SUSD1: variants seen among roughly 807,000 people sequenced by gnomAD.
The protein encoded by SUSD1 is sushi domain-containing protein 1.
A neutral mutation model predicts 86.9 loss-of-function variants in SUSD1; 65 were observed. The observed-to-expected ratio is 0.75, with a 90% CI of 0.61 to 0.92. SUSD1 has a LOEUF of 0.92. SUSD1 is among the 40% of genes least tolerant of loss of function. The pLI, the probability that SUSD1 is intolerant of heterozygous loss-of-function variation, is 0.00. For missense variants in SUSD1, 850 were observed against 929.7 expected, an observed-to-expected ratio of 0.91 and a Z score of 1.11; for synonymous variants, 346 against 350.0, an observed-to-expected ratio of 0.99 and a Z score of 0.13.
chr9:112,049,871 T>C (rs1828114114), intron 15 of SUSD1, among the ~76,000 whole-genome samples: 1 of 152,206 alleles, frequency 6.6e-6, no homozygotes, highest in Admixed American at 6.5e-5. Flanking sequence ...TCAATATTGG[T>C]TCTCAAGCTG....
At chr9:112,173,617 C>A in intron 1 of SUSD1, 1 of 440,068 alleles carries the variant, frequency 2.3e-6, no homozygotes, top group South Asian at 1.8e-5. Flanking sequence ...TGATCCTTGA[C>A]CTTGGTCTTT....
chr9:112,078,064 G>A (rs1472072872), intron 12 of SUSD1, among the ~76,000 whole-genome samples: 3 of 151,942 alleles, frequency 2.0e-5, no homozygotes, highest in Non-Finnish European at 4.4e-5. Flanking sequence ...AACATAACAG[G>A]CTGGGCGCAG....
intron 15 of SUSD1, 74 bp from the exon 16 acceptor site, chr9:112,042,034 T>G (rs910276809): frequency 6.3e-7 from 1 of 1,578,662 alleles, no homozygotes; most frequent in African/African-American, 1.4e-5. Context: ...CACCCCACTG[T>G]GCTCAATCCA....
chr9:112,076,664 TATA>T (rs1289136375), intron 12 of SUSD1, among the ~76,000 whole-genome samples: 1 of 152,198 alleles, frequency 6.6e-6, no homozygotes, highest in Non-Finnish European at 1.5e-5. Flanking sequence ...ATCCTCTGCA[TATA>T]GGTAATAGTT....
At chr9:112,153,525 C>T (rs1456037380) in intron 2 of SUSD1, among the ~76,000 whole-genome samples, 1 of 151,362 alleles carries the variant, frequency 6.6e-6, no homozygotes, top group African/African-American at 2.4e-5. Context: ...AGAAGGAGTA[C>T]ATTCTAAAAT....
At chr9:112,107,829 A>G (rs1054039616) in intron 8 of SUSD1, among the ~76,000 whole-genome samples, 1 of 152,214 alleles carries the variant, frequency 6.6e-6, no homozygotes, top group Non-Finnish European at 1.5e-5. Flanking sequence ...ACCAATAAGA[A>G]TTTCTAAGAG....
At chr9:112,144,277 C>G (rs1222592859) in intron 3 of SUSD1, among the ~76,000 whole-genome samples, 4 of 150,800 alleles carry the variant, frequency 2.7e-5, no homozygotes, top group Non-Finnish European at 5.9e-5. Flanking sequence ...CTAAAAAATC[C>G]AATCACTATA....
At chr9:112,083,122 T>C (rs920024417) in intron 10 of SUSD1, among the ~76,000 whole-genome samples, 2 of 151,976 alleles carry the variant, frequency 1.3e-5, no homozygotes, top group African/African-American at 2.4e-5. Flanking sequence ...CAGAATATAA[T>C]AGAAAAATAA....
chr9:112,104,922 T>A (rs1830775455), intron 8 of SUSD1: 1 of 152,046 alleles, frequency 6.6e-6, no homozygotes. Context: ...ATGAGCATAT[T>A]TATAAAAAAG....
chr9:112,062,305 C>T (rs994547212), intron 13 of SUSD1, among the ~76,000 whole-genome samples: 1 of 152,184 alleles, frequency 6.6e-6, no homozygotes, highest in Non-Finnish European at 1.5e-5. Context: ...CCTGACATGT[C>T]CTAACATGCA....
chr9:112,047,441 T>G (rs1462847686), intron 15 of SUSD1, among the ~76,000 whole-genome samples: 3 of 152,226 alleles, frequency 2.0e-5, no homozygotes, highest in Non-Finnish European at 4.4e-5. Flanking sequence ...TCAGGTGGAC[T>G]GAACTTCTTT....
chr9:112,079,988 A>G lies in SUSD1; in HGVS notation c.1566+86T>C. The G allele has an allele frequency of 4.4e-6, 4 of 907,718 alleles. No homozygotes were observed. In the South Asian group the frequency reaches 5.4e-5, roughly 12 times the overall value. 56.2% of individuals were successfully genotyped at this position (907,718 alleles called of 1,614,324 possible). A position where few individuals can be genotyped will look rare whatever the true frequency, so the allele number is the denominator to read the frequency against. On this transcript the variant is annotated intron_variant, in intron 11 of 16. Transcript: ENST00000374270. The stretch of plus-strand genomic sequence containing the variant: ...ATCGTCTACTGATAATGATAGTTAT[A>G]GATGTAGATTTTTAGGTTTGTGGGT...
At chr9:112,170,691 T>TCA (rs1834000380) in intron 1 of SUSD1, among the ~76,000 whole-genome samples, 1 of 70,412 alleles carries the variant, frequency 1.4e-5, no homozygotes, top group Non-Finnish European at 2.6e-5. Context: ...AATGGCCAGA[T>TCA]CATATATATA....
At chr9:112,078,775 G>T in intron 11 of SUSD1, 51 bp from the exon 12 acceptor site, 2 of 1,435,566 alleles carry the variant, frequency 1.4e-6, no homozygotes, top group Non-Finnish European at 1.9e-6. Flanking sequence ...AAAGGCTTTA[G>T]ATGCCTTGAA....
chr9:112,175,032 C>G lies in SUSD1; in HGVS notation c.103+101G>C, dbSNP rs1238903158. The stretch of plus-strand genomic sequence containing the variant: ...TGCGCCCCACGCCTCGGCACCGCGC[C>G]GGCCCGGCCCAGGGGCGGGGAAGCG... On this transcript the variant is annotated intron_variant, in intron 1 of 16. Transcript: ENST00000374270. This position sits in a 1 kb window ranked among gnomAD's most constrained non-coding sequence, Gnocchi z 4.7. 5.4e-6 allele frequency: 5 copies of G among 919,350 alleles called. No homozygotes were observed. Among genetic ancestry groups the G allele is most frequent in the Non-Finnish European group, 6.5e-6 (5 of 768,748 alleles). The allele number at this position is 919,350 out of a possible 1,614,324, so 56.9% of individuals were successfully genotyped here. A position where few individuals can be genotyped will look rare whatever the true frequency, so the allele number is the denominator to read the frequency against.
At chr9:112,150,020 T>C (rs1832977314) in intron 2 of SUSD1, among the ~76,000 whole-genome samples, 1 of 152,190 alleles carries the variant, frequency 6.6e-6, no homozygotes, top group African/African-American at 2.4e-5. Flanking sequence ...TGTTTTTCAT[T>C]GAATAATATG....
chr9:112,066,472 G>C (rs1365154837), intron 12 of SUSD1, among the ~76,000 whole-genome samples: 1 of 152,140 alleles, frequency 6.6e-6, no homozygotes, highest in Admixed American at 6.5e-5. Context: ...ACAGAGAGTG[G>C]CAACAGAAGC....
chr9:112,042,527 G>A (rs1285068020), intron 15 of SUSD1, among the ~76,000 whole-genome samples: 1 of 152,094 alleles, frequency 6.6e-6, no homozygotes, highest in Non-Finnish European at 1.5e-5. Context: ...TCTATTTGGG[G>A]ACCATCACAT....
At chr9:112,046,995 A>T (rs576925240) in intron 15 of SUSD1, among the ~76,000 whole-genome samples, 88 of 152,316 alleles carry the variant, frequency 5.8e-4, no homozygotes, top group African/African-American at 1.9e-3. Flanking sequence ...GTTCAGGCAC[A>T]TTGTGGCTGG....
Sources: gnomAD v4.1 joint callset for allele counts (sites outside exome capture counted in the v4.1 genomes callset) on GRCh38, gnomAD v4.1.1 for gene constraint, Gnocchi (gnomAD v3.1) non-coding constraint, MANE v1.5 for transcripts, NCBI Gene and HGNC (gene_info 2026-07-23, HGNC 2026-07-21) for gene names.